Variants in GALNTL6 observed in about 807,000 individuals in gnomAD.
GALNTL6 encodes the protein polypeptide N-acetylgalactosaminyltransferase like 6, also known as polypeptide N-acetylgalactosaminyltransferase-like 6.
In GALNTL6, 46 loss-of-function variants were observed where a neutral mutation model predicts 73.7. That is an observed-to-expected ratio of 0.62 (90% CI 0.49 to 0.80). The LOEUF (loss-of-function observed/expected upper bound fraction) is 0.80. Ranked by LOEUF, GALNTL6 falls within the 30% of genes least tolerant of loss-of-function variation. The pLI, the probability that GALNTL6 is intolerant of heterozygous loss-of-function variation, is 0.00. For missense variants in GALNTL6, 604 were observed against 755.0 expected (o/e 0.80, Z 2.34); for synonymous variants, 259 against 263.7 (o/e 0.98, Z 0.17).
chr4:171,865,992 A>G (rs553131036), intron 2 of GALNTL6, among the ~76,000 whole-genome samples: 127 of 152,294 alleles, frequency 8.3e-4, no homozygotes, highest in Non-Finnish European at 1.6e-3. Flanking sequence ...GAGTTGGCAT[A>G]ATTCTCTGTT....
intron 2 of GALNTL6, among the ~76,000 whole-genome samples, chr4:172,105,576 T>C (rs1310305893): frequency 6.7e-6 from 1 of 149,022 alleles, no homozygotes; most frequent in Non-Finnish European, 1.5e-5. Context: ...TTGATAATAA[T>C]CAAAGAAAAA....
At chr4:172,988,674 G>T (rs775706057) in intron 10 of GALNTL6, among the ~76,000 whole-genome samples, 7 of 152,248 alleles carry the variant, frequency 4.6e-5, no homozygotes, top group Non-Finnish European at 8.8e-5. Flanking sequence ...GGGAGGTATG[G>T]TTTCATGGGC....
chr4:172,174,484 A>G (rs1343762209), intron 2 of GALNTL6, among the ~76,000 whole-genome samples: 1 of 152,092 alleles, frequency 6.6e-6, no homozygotes, highest in Non-Finnish European at 1.5e-5. Context: ...TTCTCCCTCC[A>G]CTTTCCAAAA....
At chr4:172,127,824 C>T (rs921604433) in intron 2 of GALNTL6, among the ~76,000 whole-genome samples, 43 of 151,998 alleles carry the variant, frequency 2.8e-4, no homozygotes, top group Non-Finnish European at 6.2e-4. Flanking sequence ...GTCTAAGGTC[C>T]GGGCGTGGTG....
intron 5 of GALNTL6, among the ~76,000 whole-genome samples, chr4:172,647,661 A>G (rs1327252128): frequency 1.3e-5 from 2 of 152,104 alleles, no homozygotes; most frequent in Non-Finnish European, 2.9e-5. Context: ...ATTTCCTGAG[A>G]AGTAATAATG....
chr4:171,878,594 A>G (rs1232059645), intron 2 of GALNTL6, among the ~76,000 whole-genome samples: 1 of 152,124 alleles, frequency 6.6e-6, no homozygotes. Context: ...TTTTTTTCAT[A>G]TCGCAAGACA....
At chr4:172,436,942 T>C (rs1019611916) in intron 5 of GALNTL6, among the ~76,000 whole-genome samples, 2 of 151,946 alleles carry the variant, frequency 1.3e-5, no homozygotes, top group Non-Finnish European at 2.9e-5. Flanking sequence ...TTTTTTAAAA[T>C]ATGCTTTTTA....
chr4:172,004,891 GA>G (rs530087357), intron 2 of GALNTL6, among the ~76,000 whole-genome samples: 50 of 141,694 alleles, frequency 3.5e-4, no homozygotes, highest in South Asian at 1.4e-3. Flanking sequence ...GTATTTTCTT[GA>G]AAAAAAAAAG....
At chr4:172,561,720 C>G (rs1193498025) in intron 5 of GALNTL6, among the ~76,000 whole-genome samples, 1 of 152,072 alleles carries the variant, frequency 6.6e-6, no homozygotes, top group Non-Finnish European at 1.5e-5. Context: ...CCTGGGAAGC[C>G]TCTTAAAATC....
intron 7 of GALNTL6, among the ~76,000 whole-genome samples, chr4:172,848,564 T>C (rs1743637865): frequency 6.6e-6 from 1 of 152,130 alleles, no homozygotes; most frequent in South Asian, 2.1e-4. Flanking sequence ...AAAAGAGAAG[T>C]AGTTGCTGGT....
intron 10 of GALNTL6, among the ~76,000 whole-genome samples, chr4:172,996,693 T>C (rs114653593): frequency 0.019 from 2,914 of 152,272 alleles, 37 homozygotes; most frequent in African/African-American, 0.032. Flanking sequence ...AAAGATGATA[T>C]GAGAGGGCAG....
At chr4:172,414,938 C>T (rs1579050582) in intron 5 of GALNTL6, among the ~76,000 whole-genome samples, 1 of 152,122 alleles carries the variant, frequency 6.6e-6, no homozygotes, top group East Asian at 1.9e-4. Flanking sequence ...AAGTCTCTTA[C>T]AATAACATCC....
At chr4:172,065,625 A>G (rs1280241343) in intron 2 of GALNTL6, among the ~76,000 whole-genome samples, 2 of 152,170 alleles carry the variant, frequency 1.3e-5, no homozygotes, top group Non-Finnish European at 2.9e-5. Flanking sequence ...AGGAGGGTAC[A>G]GAGATTTCCC....
chr4:172,233,377 TAA>T (rs1367042526), intron 3 of GALNTL6, among the ~76,000 whole-genome samples: 4 of 151,350 alleles, frequency 2.6e-5, no homozygotes, highest in Non-Finnish European at 1.5e-5. Context: ...AATAAATAAA[TAA>T]ATAAGCAAGC....
At chr4:171,878,857 C>T (rs1394898499) in intron 2 of GALNTL6, among the ~76,000 whole-genome samples, 1 of 152,064 alleles carries the variant, frequency 6.6e-6, no homozygotes, top group South Asian at 2.1e-4. Flanking sequence ...ATAGTGAGTT[C>T]TCGTGAGATC....
intron 4 of GALNTL6, among the ~76,000 whole-genome samples, chr4:172,346,988 C>CTTTTTTTTTTTTTTTTTTTT (rs34332250): frequency 1.2e-4 from 14 of 114,404 alleles, no homozygotes; most frequent in Non-Finnish European, 1.7e-4. Flanking sequence ...TGTTTTCTTT[C>CTTTTTTTTTTTTTTTTTTTT]TTTTTTTTTT....
chr4:173,009,284 C>A lies in GALNTL6; in HGVS notation c.1478C>A (p.Ser493Tyr). 6.2e-7 allele frequency: 1 copy of A among 1,608,446 alleles called. No individual in the cohort carries two copies. The highest frequency in any genetic ancestry group is 1.1e-5 in the South Asian group (1 of 90,942). ...CVKDGSERTWSHEQLFTFGWR... is the reference protein window; with the variant it reads ...CVKDGSERTWYHEQLFTFGWR... ...AAGGATGGTTCTGAAAGAACATGGT[C>A]TCATGAACAGGTGAGTCACCTCCCA... The change falls in exon 11 of 13, where the codon TCT becomes TAT. Residue 493 changes from serine to tyrosine, a missense_variant. By Grantham distance (144) the Ser-to-Tyr change is moderately radical. Around this residue, in one of 5 missense-constraint regions of GALNTL6, gnomAD observed 261 missense variants for 296.5 expected, o/e 0.88. Coordinates refer to ENST00000506823, the MANE Select transcript of GALNTL6 (RefSeq NM_001034845.3).
intron 5 of GALNTL6, among the ~76,000 whole-genome samples, chr4:172,427,869 T>C (rs1731288969): frequency 6.6e-6 from 1 of 152,166 alleles, no homozygotes. Context: ...AGGAAGGACA[T>C]ATTTGCTGGT....
chr4:172,264,117 G>A (rs989614688), intron 3 of GALNTL6, among the ~76,000 whole-genome samples: 1 of 151,560 alleles, frequency 6.6e-6, no homozygotes, highest in Non-Finnish European at 1.5e-5. Flanking sequence ...AACTAAGACA[G>A]AGATAAAGAA....
Sources: gnomAD v4.1 joint callset for allele counts (sites outside exome capture counted in the v4.1 genomes callset) on GRCh38, gnomAD v4.1.1 for gene constraint, gnomAD v4.1.1 regional missense constraint, MANE v1.5 for transcripts, NCBI Gene and HGNC (gene_info 2026-07-23, HGNC 2026-07-21) for gene names.